CMIP: variants seen among roughly 807,000 people sequenced by gnomAD.
The protein encoded by CMIP is c-Maf inducing protein, also known as C-Maf-inducing protein.
Under a neutral mutation model 97.3 loss-of-function variants are expected in CMIP, and 13 were observed. That is an observed-to-expected ratio of 0.13 (90% confidence interval 0.09 to 0.21). The LOEUF is 0.21. CMIP is among the 10% of genes least tolerant of loss of function. The probability of loss-of-function intolerance (pLI) is 1.00; values close to 1 mark genes in which losing one functional copy is unlikely to be tolerated. For missense variants in CMIP, 847 were observed against 1,024.9 expected (o/e 0.83, Z 2.37); for synonymous variants, 538 against 436.3 (o/e 1.23, Z -2.91).
chr16:81,553,931 C>T (rs989300284), intron 1 of CMIP, among the ~76,000 whole-genome samples: 1 of 152,244 alleles, frequency 6.6e-6, no homozygotes. Flanking sequence ...CTAACACCCT[C>T]CTAGGCACTG....
intron 17 of CMIP, among the ~76,000 whole-genome samples, chr16:81,703,582 C>A (rs894802399): frequency 4.7e-5 from 7 of 150,360 alleles, no homozygotes; most frequent in Admixed American, 6.7e-5. Context: ...CAGACACACA[C>A]AGATATACAC....
At chr16:81,514,418 C>G (rs1004982276) in intron 1 of CMIP, among the ~76,000 whole-genome samples, 1 of 152,158 alleles carries the variant, frequency 6.6e-6, no homozygotes, top group Admixed American at 6.5e-5. Context: ...GTGCAGTGGT[C>G]AGGAGTGTGA....
intron 1 of CMIP, among the ~76,000 whole-genome samples, chr16:81,594,574 G>T (rs1022118074): frequency 6.6e-6 from 1 of 152,018 alleles, no homozygotes; most frequent in Non-Finnish European, 1.5e-5. Flanking sequence ...TATACACTGT[G>T]TTTTTTCCTA....
rs1462225956 is a variant in CMIP, at chr16:81,696,684, C to T, written c.1638+17C>T. 6.2e-7 allele frequency: 1 copy of T among 1,600,256 alleles called. No individual in the cohort carries two copies. The highest frequency in any genetic ancestry group is 1.1e-5 in the South Asian group (1 of 90,734). ...GCCAGCATGGTACGCAGTGGGACCC[C>T]AGTGGGGTGACTTCCAGGGGTCCCT... is the stretch of plus-strand genomic sequence containing the variant. On this transcript the variant is annotated intron_variant, in intron 14 of 20. Transcript: ENST00000537098.
At chr16:81,650,459 G>A (rs1407732460) in intron 3 of CMIP, among the ~76,000 whole-genome samples, 1 of 152,156 alleles carries the variant, frequency 6.6e-6, no homozygotes, top group Admixed American at 6.5e-5. Flanking sequence ...AGAAGGGAGA[G>A]ATGACGGGAA....
intron 3 of CMIP, among the ~76,000 whole-genome samples, chr16:81,650,485 G>T (rs1378822352): frequency 1.3e-5 from 2 of 152,140 alleles, no homozygotes; most frequent in Non-Finnish European, 2.9e-5. Context: ...TGGGGTGATG[G>T]GCGGGGGGAA....
At chr16:81,502,090 G>T (rs1055316935) in intron 1 of CMIP, among the ~76,000 whole-genome samples, 4 of 152,166 alleles carry the variant, frequency 2.6e-5, no homozygotes, top group African/African-American at 9.7e-5. Flanking sequence ...CAGCCCTAAG[G>T]GGCAGCTACT....
intron 10 of CMIP, among the ~76,000 whole-genome samples, chr16:81,683,637 A>G (rs1905090672): frequency 1.3e-5 from 2 of 151,242 alleles, no homozygotes; most frequent in South Asian, 4.2e-4. Context: ...TGATCTGCCC[A>G]CCTCAGCCTC....
At position 81,660,941 on chromosome 16, in the gene CMIP, T is replaced by C; in HGVS notation, c.739T>C (p.Cys247Arg). The change falls in exon 6 of 21, where the codon TGC (cysteine) becomes CGC (arginine). Residue 247 changes from cysteine to arginine, a missense_variant. Cys to Arg is a radical substitution (Grantham distance 180). Transcript: ENST00000537098. ...HPPPDLCEFF[C>R]KHCRERPRSM... ...ACCACCAGATCTCTGTGAATTCTTTTGCAAGGTACGGGATTGCTGAGCTGG... is the reference window on the plus strand; with the variant it reads ...ACCACCAGATCTCTGTGAATTCTTTCGCAAGGTACGGGATTGCTGAGCTGG... 6.2e-7 allele frequency: 1 copy of C among 1,614,022 alleles called. No individual in the cohort carries two copies. Among genetic ancestry groups the C allele is most frequent in the Non-Finnish European group, 8.5e-7 (1 of 1,179,890 alleles).
intron 1 of CMIP, among the ~76,000 whole-genome samples, chr16:81,533,173 C>T (rs1207702833): frequency 3.9e-5 from 6 of 152,176 alleles, no homozygotes; most frequent in African/African-American, 9.7e-5. Flanking sequence ...TGACAGACCA[C>T]GCGTTTCTTA....
chr16:81,638,209 A>C (rs2150984354), intron 3 of CMIP, among the ~76,000 whole-genome samples: 1 of 152,306 alleles, frequency 6.6e-6, no homozygotes, highest in East Asian at 1.9e-4. Flanking sequence ...TTCAGGACCC[A>C]CCAGATAATC....
Position 81,453,447 on chromosome 16 carries a change from C to T in CMIP, c.300+7906C>T, listed in dbSNP as rs1015200205. Reference sequence around the variant, plus strand: ...CACACCGGGACTGCTGCTAGCTTCTCTGGGTGTCCTGGGCCAGTGCCAGTT... The same window carrying T: ...CACACCGGGACTGCTGCTAGCTTCTTTGGGTGTCCTGGGCCAGTGCCAGTT... On this transcript the variant is annotated intron_variant, in intron 1 of 20. Coordinates refer to ENST00000537098, the MANE Select transcript of CMIP (RefSeq NM_198390.3). The surrounding 1 kb of genome is among the most constrained non-coding windows in gnomAD (Gnocchi z 4.0). Among the ~76,000 whole-genome samples, 23 of 152,202 alleles carry T rather than the reference C, an allele frequency of 1.5e-4. No individual in the cohort carries two copies. The highest frequency in any genetic ancestry group is 5.5e-4 in the African/African-American group (23 of 41,442).
intron 1 of CMIP, among the ~76,000 whole-genome samples, chr16:81,536,097 T>G (rs2090337828): frequency 6.6e-6 from 1 of 152,200 alleles, no homozygotes; most frequent in Non-Finnish European, 1.5e-5. Context: ...CCCCTGGCTT[T>G]GCAGAGCAGC....
intron 1 of CMIP, among the ~76,000 whole-genome samples, chr16:81,586,982 T>C (rs2091393361): frequency 6.6e-6 from 1 of 152,246 alleles, no homozygotes; most frequent in Admixed American, 6.5e-5. Context: ...CTAAGTCTGT[T>C]GGGACCCATG....
chr16:81,446,534 TG>T (rs34404914), intron 1 of CMIP, among the ~76,000 whole-genome samples: 2 of 151,832 alleles, frequency 1.3e-5, no homozygotes, highest in Non-Finnish European at 2.9e-5. Context: ...AGGCTTGCCG[TG>T]GGGGTCCCAT....
At chr16:81,452,802 A>T (rs1460124792) in intron 1 of CMIP, among the ~76,000 whole-genome samples, 1 of 151,506 alleles carries the variant, frequency 6.6e-6, no homozygotes, top group Admixed American at 6.6e-5. Context: ...GAGGTGATGG[A>T]CACACAGGCA....
intron 1 of CMIP, among the ~76,000 whole-genome samples, chr16:81,600,800 T>C (rs1309649897): frequency 6.6e-6 from 1 of 152,218 alleles, no homozygotes; most frequent in Non-Finnish European, 1.5e-5. Context: ...CTGAAGCCCA[T>C]TCTCCCAGCG....
At chr16:81,512,663 C>G (rs916840914) in intron 1 of CMIP, among the ~76,000 whole-genome samples, 2 of 151,894 alleles carry the variant, frequency 1.3e-5, no homozygotes, top group African/African-American at 4.8e-5. Context: ...AACATGAATT[C>G]ATGGATTTAA....
At chr16:81,705,694 AC>A in intron 19 of CMIP, 90 bp downstream of exon 19, 1 of 778,596 alleles carries the variant, frequency 1.3e-6, no homozygotes, top group Non-Finnish European at 2.1e-6. Flanking sequence ...CTGACTTTGC[AC>A]CATGCACAGA....
Sources: gnomAD v4.1 joint callset for allele counts (sites outside exome capture counted in the v4.1 genomes callset) on GRCh38, gnomAD v4.1.1 for gene constraint, Gnocchi (gnomAD v3.1) non-coding constraint, MANE v1.5 for transcripts, NCBI Gene and HGNC (gene_info 2026-07-23, HGNC 2026-07-21) for gene names.